CLSTN2: variants seen among roughly 807,000 people sequenced by gnomAD.
CLSTN2 encodes calsyntenin-2.
Under a neutral mutation model 101.2 loss-of-function variants are expected in CLSTN2, and 48 were observed. That is an observed-to-expected ratio of 0.47 (90% CI 0.38 to 0.60). The LOEUF is 0.60. Among genes scored for constraint, CLSTN2 ranks in the 20% least tolerant of loss-of-function variants. The probability of loss-of-function intolerance (pLI) is 0.00; values close to 1 mark genes in which losing one functional copy is unlikely to be tolerated. For missense variants in CLSTN2, 1,160 were observed against 1,238.2 expected, an observed-to-expected ratio of 0.94 and a Z score of 0.95; for synonymous variants, 481 against 463.6, an observed-to-expected ratio of 1.04 and a Z score of -0.48.
intron 1 of CLSTN2, among the ~76,000 whole-genome samples, chr3:140,073,920 T>C (rs2008439541): frequency 1.3e-5 from 2 of 152,152 alleles, no homozygotes; most frequent in African/African-American, 2.4e-5. Context: ...ACTCAGTCCA[T>C]TCTGCCCTGC....
chr3:140,123,001 T>C (rs2107800171), intron 1 of CLSTN2, among the ~76,000 whole-genome samples: 1 of 152,200 alleles, frequency 6.6e-6, no homozygotes, highest in East Asian at 1.9e-4. Flanking sequence ...TTTATGCTTC[T>C]ATTACAACAT....
intron 1 of CLSTN2, among the ~76,000 whole-genome samples, chr3:140,173,870 A>G (rs757141204): frequency 4.1e-4 from 63 of 152,094 alleles, no homozygotes; most frequent in Non-Finnish European, 8.2e-4. Flanking sequence ...CAGCCCATGA[A>G]ACCATGTTTT....
intron 2 of CLSTN2, among the ~76,000 whole-genome samples, chr3:140,351,868 T>G (rs534238964): frequency 1.3e-5 from 2 of 152,112 alleles, no homozygotes; most frequent in Non-Finnish European, 1.5e-5. Flanking sequence ...ACTCACACAT[T>G]TTATTTGAGG....
chr3:140,020,664 C>G (rs1001623066), intron 1 of CLSTN2, among the ~76,000 whole-genome samples: 2 of 152,146 alleles, frequency 1.3e-5, no homozygotes, highest in African/African-American at 2.4e-5. Context: ...CTGGTCTGAC[C>G]ACTAATAGCA....
intron 1 of CLSTN2, among the ~76,000 whole-genome samples, chr3:140,017,949 C>T (rs1328735330): frequency 6.6e-6 from 1 of 152,192 alleles, no homozygotes; most frequent in Admixed American, 6.5e-5. Context: ...CTAAATAACT[C>T]TGACAGTGGA....
chr3:140,133,573 G>A (rs2009555199), intron 1 of CLSTN2, among the ~76,000 whole-genome samples: 1 of 152,140 alleles, frequency 6.6e-6, no homozygotes, highest in Non-Finnish European at 1.5e-5. Context: ...GGAAGGCCCA[G>A]GTTCCTCCCA....
intron 1 of CLSTN2, among the ~76,000 whole-genome samples, chr3:139,992,010 T>C (rs1038301967): frequency 6.6e-6 from 1 of 152,172 alleles, no homozygotes; most frequent in South Asian, 2.1e-4. Context: ...TGTTCTGTTA[T>C]GTGGGGTGGG....
chr3:140,056,066 C>A (rs1262027767), intron 1 of CLSTN2, among the ~76,000 whole-genome samples: 1 of 152,122 alleles, frequency 6.6e-6, no homozygotes, highest in Non-Finnish European at 1.5e-5. Flanking sequence ...AGGGGGCCTA[C>A]TCTGGAGGGG....
intron 1 of CLSTN2, among the ~76,000 whole-genome samples, chr3:140,117,301 C>G (rs13097833): frequency 0.24 from 36,345 of 152,152 alleles, 4,524 homozygotes; most frequent in Middle Eastern, 0.36. Flanking sequence ...TGCATGTAAC[C>G]AGGGCTTGAT....
At chr3:140,238,862 T>C (rs1026604447) in intron 2 of CLSTN2, among the ~76,000 whole-genome samples, 3 of 152,182 alleles carry the variant, frequency 2.0e-5, no homozygotes, top group Non-Finnish European at 4.4e-5. Context: ...ATGTGATGCA[T>C]TGAAATCATA....
chr3:140,196,631 A>C (rs1265607236), intron 2 of CLSTN2, among the ~76,000 whole-genome samples: 1 of 152,158 alleles, frequency 6.6e-6, no homozygotes, highest in African/African-American at 2.4e-5. Context: ...GTCCCGTGTA[A>C]TTACAACCAG....
At chr3:140,205,794 A>G (rs559788731) in intron 2 of CLSTN2, among the ~76,000 whole-genome samples, 119 of 152,306 alleles carry the variant, frequency 7.8e-4, no homozygotes, top group African/African-American at 2.8e-3. Context: ...TTGCTGCCCT[A>G]AGGAGCTTTT....
intron 1 of CLSTN2, among the ~76,000 whole-genome samples, chr3:139,944,628 AC>A (rs1935187413): frequency 6.6e-6 from 1 of 152,166 alleles, no homozygotes; most frequent in African/African-American, 2.4e-5. Context: ...CCTCTGTATG[AC>A]TGTTGCCCAG....
intron 9 of CLSTN2, among the ~76,000 whole-genome samples, chr3:140,539,058 T>G (rs1490329512): frequency 2.0e-5 from 3 of 152,230 alleles, no homozygotes; most frequent in Admixed American, 1.3e-4. Flanking sequence ...GGTCAAGAGT[T>G]TGCAGGGGGC....
chr3:140,120,193 G>A (rs1004028540), intron 1 of CLSTN2, among the ~76,000 whole-genome samples: 1 of 152,154 alleles, frequency 6.6e-6, no homozygotes, highest in Non-Finnish European at 1.5e-5. Flanking sequence ...GGGTCCCTGG[G>A]CCTCTGGAAC....
Position 140,471,492 on chromosome 3 carries a change from G to A in CLSTN2, c.1344+4761G>A, listed in dbSNP as rs758144412. ...GCAACAAGCACAGGATGCAAATGTC[G>A]GATTCATTCAGTTGGCTGTTGCCCT... On this transcript the variant is annotated intron_variant, in intron 8 of 16. Coordinates refer to ENST00000458420, the MANE Select transcript of CLSTN2 (RefSeq NM_022131.3). Among the ~76,000 whole-genome samples, 22 of 152,248 alleles carry A rather than the reference G, an allele frequency of 1.4e-4. 1 individual carries two copies. In the East Asian group the frequency reaches 2.7e-3, roughly 19 times the overall value.
At chr3:140,404,921 T>G (rs1223019951) in intron 4 of CLSTN2, among the ~76,000 whole-genome samples, 155 bp downstream of exon 4, 1 of 152,178 alleles carries the variant, frequency 6.6e-6, no homozygotes, top group Non-Finnish European at 1.5e-5. Flanking sequence ...GTCCCACACT[T>G]GAGGGAATGG....
At chr3:140,343,600 T>C (rs2087512680) in intron 2 of CLSTN2, among the ~76,000 whole-genome samples, 1 of 152,220 alleles carries the variant, frequency 6.6e-6, no homozygotes, top group Non-Finnish European at 1.5e-5. Context: ...TCTCAGTGAC[T>C]GGGCATTTTA....
intron 1 of CLSTN2, among the ~76,000 whole-genome samples, chr3:140,025,363 C>T (rs772724274): frequency 1.3e-5 from 2 of 152,206 alleles, no homozygotes; most frequent in Non-Finnish European, 2.9e-5. Context: ...TTTGCAAGAG[C>T]AGAGTTCTGG....
Sources: allele counts gnomAD v4.1 joint callset (sites outside exome capture counted in the v4.1 genomes callset), GRCh38; gene constraint gnomAD v4.1.1; transcripts MANE v1.5; gene names NCBI Gene and HGNC (gene_info 2026-07-23, HGNC 2026-07-21).